MFF: variants seen among roughly 807,000 people sequenced by gnomAD.
MFF encodes mitochondrial fission factor.
In MFF, 12 loss-of-function variants were observed where a neutral mutation model predicts 36.9. The ratio of observed to expected loss-of-function variants is 0.33; its 90% CI spans 0.21 to 0.53. The LOEUF is 0.53. Among genes scored for constraint, MFF ranks in the 20% least tolerant of loss-of-function variants. The pLI, the probability that MFF is intolerant of heterozygous loss-of-function variation, is 0.95. For missense variants in MFF, 348 were observed against 366.6 expected (o/e 0.95, Z 0.42); for synonymous variants, 99 against 126.2 (o/e 0.78, Z 1.44).
At position 227,357,425 on chromosome 2, in the gene MFF, C is replaced by A; in HGVS notation, c.*308C>A. On this transcript the variant is annotated 3_prime_UTR_variant, in exon 9 of 9. Coordinates refer to ENST00000304593, the MANE Select transcript of MFF (RefSeq NM_001277062.2). ...TTTATTTTTTGCCTCATCAGTCCAC[C>A]CAACTGATTCTGAATGGGAGAGAGT... The A allele has an allele frequency of 4.8e-6, 1 of 209,316 alleles. No individual in the cohort carries two copies. The highest frequency in any genetic ancestry group is 9.7e-6 in the Non-Finnish European group (1 of 102,886). The allele number at this position is 209,316 out of a possible 1,614,324, so 13.0% of individuals were successfully genotyped here.
At chr2:227,326,367 G>A (rs1049350113) in intron 1 of MFF, among the ~76,000 whole-genome samples, 1 of 149,330 alleles carries the variant, frequency 6.7e-6, no homozygotes, top group East Asian at 2.0e-4. Context: ...CCTCAATTCC[G>A]TTGGCTAATG....
In MFF at chr2:227,330,739, A is replaced by G. The variant is rs182099421; in HGVS notation, c.74A>G (p.Glu25Gly). Reference sequence around the variant, plus strand: ...ATTAGTCAGCGAATGAGGGTCCCAGAAAAGTTAAAAGTAGCACCGCCAAAC... The same window carrying G: ...ATTAGTCAGCGAATGAGGGTCCCAGGAAAGTTAAAAGTAGCACCGCCAAAC... ...EGISQRMRVP[E>G]KLKVAPPNAD... The change falls in exon 3 of 9, where the codon GAA becomes GGA. Residue 25 changes from glutamate (E) to glycine (G), a missense_variant. Transcript: ENST00000304593. 4 of 1,614,210 alleles carry G rather than the reference A, an allele frequency of 2.5e-6. No individual in the cohort carries two copies. The highest frequency in any genetic ancestry group is 2.2e-5 in the South Asian group (2 of 91,088).
rs1358748742 is a variant in MFF, at chr2:227,330,788, A to G, written c.123A>G (p.Gln41=). 11 of 1,614,222 alleles carry G rather than the reference A, an allele frequency of 6.8e-6. No homozygotes were observed. Among genetic ancestry groups the G allele is most frequent in the Non-Finnish European group, 8.5e-6 (10 of 1,180,026 alleles). ...ACGCTGACCTGGAACAAGGATTCCA[A>G]GAAGGAGTTCCAAATGCTAGTGTGA... ...PPNADLEQGF[Q]EGVPNASVIM... is the part of the protein sequence containing the mutation. The change falls in exon 3 of 9, where the codon CAA becomes CAG. Residue 41 remains glutamine, a synonymous_variant. Coordinates refer to ENST00000304593, the MANE Select transcript of MFF (RefSeq NM_001277062.2).
intron 5 of MFF, chr2:227,346,711 T>G (rs2075731699): frequency 6.6e-6 from 1 of 152,332 alleles, no homozygotes; most frequent in South Asian, 2.1e-4. Flanking sequence ...TCAGTGTCAT[T>G]TATTCGTCAT....
In MFF at chr2:227,340,280, G is replaced by A. The variant is rs1032230409; in HGVS notation, c.352-12G>A. 6.3e-7 allele frequency: 1 copy of A among 1,579,296 alleles called. No homozygotes were observed. The highest frequency in any genetic ancestry group is 1.7e-5 in the Admixed American group (1 of 59,128). Reference sequence around the variant, plus strand: ...TATTTCTATTTCCTTCCCTCTCTTTGTGCCTTAACAGATCCGAGCAGTTGG... The same window carrying A: ...TATTTCTATTTCCTTCCCTCTCTTTATGCCTTAACAGATCCGAGCAGTTGG... On this transcript the variant is annotated splice_polypyrimidine_tract_variant and intron_variant, in intron 4 of 8. Coordinates refer to ENST00000304593, the MANE Select transcript of MFF (RefSeq NM_001277062.2).
At chr2:227,334,723 A>G (rs1046617597) in intron 4 of MFF, among the ~76,000 whole-genome samples, 2 of 152,206 alleles carry the variant, frequency 1.3e-5, no homozygotes, top group South Asian at 2.1e-4. Flanking sequence ...TGTGATCTCT[A>G]TCTACAAGAT....
chr2:227,344,792 G>A (rs2075619286), intron 5 of MFF, among the ~76,000 whole-genome samples: 2 of 151,784 alleles, frequency 1.3e-5, no homozygotes, highest in Non-Finnish European at 2.9e-5. Flanking sequence ...TGAATGAAAA[G>A]CTAATTTTTT....
chr2:227,339,332 A>G (rs972210751), intron 4 of MFF, among the ~76,000 whole-genome samples: 7 of 152,216 alleles, frequency 4.6e-5, no homozygotes, highest in Non-Finnish European at 1.0e-4. Context: ...TGTTTTGCTC[A>G]AGCATTCTGT....
intron 4 of MFF, among the ~76,000 whole-genome samples, chr2:227,333,874 G>A (rs977862558): frequency 5.9e-5 from 9 of 152,136 alleles, no homozygotes; most frequent in African/African-American, 2.2e-4. Flanking sequence ...CTAATTGAAA[G>A]CAACCCAAGC....
At chr2:227,330,450 A>G (rs2106344328) in intron 2 of MFF, 176 bp from the exon 3 acceptor site, 2 of 582,940 alleles carry the variant, frequency 3.4e-6, no homozygotes, top group Admixed American at 6.8e-5. Flanking sequence ...TTAAGAAGGC[A>G]TTTTGTTGAG....
At chr2:227,327,890 C>T (rs1048903334) in intron 1 of MFF, among the ~76,000 whole-genome samples, 2 of 152,076 alleles carry the variant, frequency 1.3e-5, no homozygotes, top group South Asian at 2.1e-4. Context: ...TTGAGATACA[C>T]GCAAGTATTA....
intron 4 of MFF, among the ~76,000 whole-genome samples, chr2:227,335,827 A>C (rs867749729): frequency 6.6e-6 from 1 of 152,246 alleles, no homozygotes; most frequent in Non-Finnish European, 1.5e-5. Flanking sequence ...GAGGAAGTTG[A>C]CAAACACTTT....
chr2:227,334,413 A>T (rs1475806340), intron 4 of MFF, among the ~76,000 whole-genome samples: 1 of 152,188 alleles, frequency 6.6e-6, no homozygotes, highest in Non-Finnish European at 1.5e-5. Flanking sequence ...GAAGCACTCA[A>T]CTGCAGTGAG....
intron 4 of MFF, among the ~76,000 whole-genome samples, chr2:227,336,037 T>C (rs2074975552): frequency 6.6e-6 from 1 of 152,188 alleles, no homozygotes; most frequent in Non-Finnish European, 1.5e-5. Context: ...AGAAAGAAGC[T>C]GTAACACTGA....
At chr2:227,335,267 T>G (rs1317568106) in intron 4 of MFF, among the ~76,000 whole-genome samples, 1 of 151,880 alleles carries the variant, frequency 6.6e-6, no homozygotes, top group African/African-American at 2.4e-5. Context: ...GGCCATATAT[T>G]GCATTTTTCT....
intron 5 of MFF, among the ~76,000 whole-genome samples, chr2:227,342,569 C>T (rs549691386): frequency 2.6e-5 from 4 of 152,146 alleles, no homozygotes; most frequent in East Asian, 1.9e-4. Context: ...AATAAAAGTG[C>T]GAACGGGTAT....
At chr2:227,325,992 G>T (rs899698634) in intron 1 of MFF, among the ~76,000 whole-genome samples, 2 of 152,200 alleles carry the variant, frequency 1.3e-5, no homozygotes, top group African/African-American at 4.8e-5. Context: ...CCTGCTCGCA[G>T]ATGTGGCTGC....
intron 1 of MFF, among the ~76,000 whole-genome samples, chr2:227,328,146 G>A (rs1011272263): frequency 2.6e-5 from 4 of 151,962 alleles, no homozygotes; most frequent in African/African-American, 9.7e-5. Flanking sequence ...GAAGGCCAGA[G>A]GATTTCTTGA....
chr2:227,339,333 A>G (rs2075254803), intron 4 of MFF, among the ~76,000 whole-genome samples: 1 of 152,238 alleles, frequency 6.6e-6, no homozygotes, highest in Non-Finnish European at 1.5e-5. Flanking sequence ...GTTTTGCTCA[A>G]GCATTCTGTG....
Sources: allele counts gnomAD v4.1 joint callset (sites outside exome capture counted in the v4.1 genomes callset), GRCh38; gene constraint gnomAD v4.1.1; transcripts MANE v1.5; gene names NCBI Gene and HGNC (gene_info 2026-07-23, HGNC 2026-07-21).